The following NRXN2 variants were observed in gnomAD, a reference collection of about 807,000 sequenced individuals.
NRXN2 encodes neurexin-2-beta.
Under a neutral mutation model 128.8 loss-of-function variants are expected in NRXN2, and 29 were observed. The ratio of observed to expected loss-of-function variants is 0.23; its 90% CI spans 0.17 to 0.31. NRXN2 has a LOEUF of 0.31. Ranked by LOEUF, NRXN2 falls within the 10% of genes least tolerant of loss-of-function variation. The probability of loss-of-function intolerance (pLI) is 1.00; values close to 1 mark genes in which losing one functional copy is unlikely to be tolerated. For synonymous variants in NRXN2, 1,098 were observed against 1,075.2 expected (o/e 1.02, Z -0.41); for missense variants, 1,881 against 2,452.6 (o/e 0.77, Z 4.92).
intron 7 of NRXN2, among the ~76,000 whole-genome samples, chr11:64,671,630 A>G (rs544954475): frequency 6.6e-6 from 1 of 152,190 alleles, no homozygotes; most frequent in East Asian, 1.9e-4. Flanking sequence ...TAGACCCAGC[A>G]GGACAGGCCA....
intron 19 of NRXN2, among the ~76,000 whole-genome samples, chr11:64,628,617 C>A (rs1246733359): frequency 6.6e-6 from 1 of 152,232 alleles, no homozygotes; most frequent in African/African-American, 2.4e-5. Flanking sequence ...AGATCCAAGT[C>A]CTGGCTTGAC....
chr11:64,722,788 G>A (rs2057467824), intron 1 of NRXN2, among the ~76,000 whole-genome samples, 183 bp downstream of exon 1: 1 of 87,856 alleles, frequency 1.1e-5, no homozygotes, highest in Non-Finnish European at 2.2e-5. Flanking sequence ...AGGAGCCTCC[G>A]ACCCCCAAGC....
intron 22 of NRXN2, among the ~76,000 whole-genome samples, chr11:64,614,236 G>A (rs1017786741): frequency 2.0e-5 from 3 of 152,196 alleles, no homozygotes; most frequent in African/African-American, 4.8e-5. Context: ...CAGATTTAGG[G>A]GTTGCCCCCC....
chr11:64,660,597 G>A lies in NRXN2; in HGVS notation c.2186-62C>T. ...CAGGCAGAGGCCAGGGGAGGGAGAA[G>A]ACCAGAGAATCATTACAAGGGCGAA... On this transcript the variant is annotated intron_variant, in intron 10 of 22. Coordinates refer to ENST00000265459, the MANE Select transcript of NRXN2 (RefSeq NM_015080.4). The surrounding 1 kb of genome is among the most constrained non-coding windows in gnomAD (Gnocchi z 5.2). The A allele has an allele frequency of 6.3e-7, 1 of 1,596,986 alleles. No homozygotes were observed.
intron 9 of NRXN2, among the ~76,000 whole-genome samples, chr11:64,664,494 A>G (rs937004189): frequency 2.2e-4 from 34 of 151,894 alleles, no homozygotes; most frequent in Non-Finnish European, 4.3e-4. Flanking sequence ...AAAAAAAAAA[A>G]AGGTTACTAT....
intron 6 of NRXN2, among the ~76,000 whole-genome samples, chr11:64,682,869 G>A (rs541041994): frequency 5.3e-5 from 8 of 152,258 alleles, no homozygotes; most frequent in African/African-American, 1.9e-4. Context: ...GGAGAGAGAG[G>A]AGAGAAGGAG....
rs2052933463 is a variant in NRXN2 at position 64,685,662 on chromosome 11, G to A, written c.1136C>T (p.Thr379Ile). Residue 379 changes from threonine to isoleucine, a missense_variant, in exon 6 of 23, where the codon ACC becomes ATC. Thr to Ile is a moderately conservative substitution (Grantham distance 89). Around this residue, in one of 7 missense-constraint regions of NRXN2, gnomAD observed 997 missense variants for 1,240.8 expected, o/e 0.80. Coordinates refer to ENST00000265459, the MANE Select transcript of NRXN2 (RefSeq NM_015080.4). ...NDNAWHDVRV[T>I]RNLRQHAGIG... ...TCCTCCTACCTGGCGCAGGTTTCGG[G>A]TGACCCGGACGTCGTGCCAGGCGTT... 5.0e-6 allele frequency: 8 copies of A among 1,614,088 alleles called. No homozygotes were observed. Among genetic ancestry groups the A allele is most frequent in the Non-Finnish European group, 6.8e-6 (8 of 1,180,064 alleles).
intron 17 of NRXN2, among the ~76,000 whole-genome samples, chr11:64,640,333 C>T (rs1047183587): frequency 6.6e-6 from 1 of 152,218 alleles, no homozygotes; most frequent in Admixed American, 6.5e-5. Context: ...CAGGGTCCCT[C>T]AGCCAGTTCC....
chr11:64,708,356 A>T (rs1300353843), intron 2 of NRXN2, among the ~76,000 whole-genome samples: 2 of 152,118 alleles, frequency 1.3e-5, no homozygotes, highest in Non-Finnish European at 2.9e-5. Flanking sequence ...TCATCACTCC[A>T]CCTGAGGTCT....
At chr11:64,664,478 CAAAAAAA>C (rs11378464) in intron 9 of NRXN2, among the ~76,000 whole-genome samples, 4 of 98,680 alleles carry the variant, frequency 4.1e-5, no homozygotes, top group Non-Finnish European at 7.1e-5. Flanking sequence ...AACTCCGTGT[CAAAAAAA>C]AAAAAAAAAA....
chr11:64,648,583 T>A lies in NRXN2; in HGVS notation c.3283+151A>T. The A allele has an allele frequency of 8.6e-7, 1 of 1,156,458 alleles. No individual in the cohort carries two copies. The highest frequency in any genetic ancestry group is 1.3e-6 in the Non-Finnish European group (1 of 787,212). The allele number at this position is 1,156,458 out of a possible 1,614,324, so 71.6% of individuals were successfully genotyped here. ...GCAAGTGACCCTTCACACACCTGTA[T>A]CCCTGCCCCAGAACTGTGGGGGCAA... is the stretch of plus-strand genomic sequence containing the variant. On this transcript the variant is annotated intron_variant, in intron 16 of 22. Transcript: ENST00000265459. The surrounding 1 kb of genome is among the most constrained non-coding windows in gnomAD (Gnocchi z 4.1).
In NRXN2 at chr11:64,607,440, G is replaced by T; in HGVS notation, c.4895C>A (p.Ser1632Tyr). Residue 1632 changes from serine (S) to tyrosine (Y), a missense_variant, in exon 23 of 23, where the codon TCC (serine) becomes TAC (tyrosine). Transcript: ENST00000265459. The part of the protein sequence containing the change: ...PPGAVEVIRE[S>Y]SSTTGMVVGI... ...CACCACCATGCCCGTGGTGCTGCTG[G>T]ACTCCCGGATCACCTCCACTGCGCC... The T allele has an allele frequency of 6.2e-7, 1 of 1,612,368 alleles. No individual in the cohort carries two copies. The highest frequency in any genetic ancestry group is 8.5e-7 in the Non-Finnish European group (1 of 1,179,794).
intron 19 of NRXN2, among the ~76,000 whole-genome samples, chr11:64,629,341 T>C (rs1398850368): frequency 6.6e-6 from 1 of 152,082 alleles, no homozygotes; most frequent in South Asian, 2.1e-4. Context: ...CCTCTTTATC[T>C]CCCATGCTGG....
rs1303647948 is a variant in NRXN2, at chr11:64,650,428, T to C, written c.3109+20A>G. 4.3e-6 allele frequency: 7 copies of C among 1,613,514 alleles called. No homozygotes were observed. The highest frequency in any genetic ancestry group is 5.9e-6 in the Non-Finnish European group (7 of 1,179,690). ...GTATCTGGGCTAGGGCCAGGCCTTC[T>C]CCAGAGGCCCCAGCCCCACCTTTGA... On this transcript the variant is annotated intron_variant, in intron 15 of 22. Transcript: ENST00000265459.
At chr11:64,677,062 G>C (rs2051430683) in intron 6 of NRXN2, 25 bp from the exon 7 acceptor site, 1 of 1,433,486 alleles carries the variant, frequency 7.0e-7, no homozygotes, top group African/African-American at 1.5e-5. Context: ...TGGGGGGATG[G>C]GGAGGAGGGG....
chr11:64,628,358 C>G (rs1317532093), intron 19 of NRXN2, among the ~76,000 whole-genome samples: 3 of 152,148 alleles, frequency 2.0e-5, no homozygotes, highest in Non-Finnish European at 4.4e-5. Flanking sequence ...TCTCTGTGCT[C>G]CCAAAGAATC....
At chr11:64,709,190 C>CAAAAA (rs112450142) in intron 2 of NRXN2, among the ~76,000 whole-genome samples, 5 of 83,440 alleles carry the variant, frequency 6.0e-5, no homozygotes, top group Admixed American at 1.2e-4. Flanking sequence ...GACTCCATCT[C>CAAAAA]AAAAAAAAAA....
chr11:64,623,457 C>T lies in NRXN2; in HGVS notation c.3848-379G>A, dbSNP rs2135335210. ...CCCTCAGTCCATCCCCATCTTCTCC[C>T]TCTGCTTCCCCAAACATCCTGCCCC... On this transcript the variant is annotated intron_variant, in intron 20 of 22. Coordinates refer to ENST00000265459, the MANE Select transcript of NRXN2 (RefSeq NM_015080.4). The surrounding 1 kb of genome is among the most constrained non-coding windows in gnomAD (Gnocchi z 4.9). 1 of 286,194 alleles carries T rather than the reference C, an allele frequency of 3.5e-6. No homozygotes were observed. Among genetic ancestry groups the T allele is most frequent in the Non-Finnish European group, 6.7e-6 (1 of 148,346 alleles). 17.7% of individuals were successfully genotyped at this position (286,194 alleles called of 1,614,324 possible).
In NRXN2 at chr11:64,660,508, G is replaced by C. The variant is rs2077253868; in HGVS notation, c.2213C>G (p.Ser738Cys). The C allele has an allele frequency of 2.5e-6, 4 of 1,614,180 alleles. No homozygotes were observed. Among genetic ancestry groups the C allele is most frequent in the Non-Finnish European group, 3.4e-6 (4 of 1,180,024 alleles). The change falls in exon 11 of 23, where the codon TCC (serine) becomes TGC (cysteine). Residue 738 changes from serine to cysteine, a missense_variant. Physicochemically the swap from Ser to Cys is moderately radical, Grantham distance 112. Around this residue, in one of 7 missense-constraint regions of NRXN2, gnomAD observed 997 missense variants for 1,240.8 expected, o/e 0.80. Transcript: ENST00000265459. This position sits in a 1 kb window ranked among gnomAD's most constrained non-coding sequence, Gnocchi z 5.2. ...REATVLSYDG[S>C]MYMKIMLPNA... is the part of the protein sequence containing the mutation. ...AGGCAGCATGATCTTCATGTACATG[G>C]AGCCATCGTAGCTCAGGACCGTGGC...
Sources: gnomAD v4.1 joint callset for allele counts (sites outside exome capture counted in the v4.1 genomes callset) on GRCh38, gnomAD v4.1.1 for gene constraint, gnomAD v4.1.1 regional missense constraint, Gnocchi (gnomAD v3.1) non-coding constraint, MANE v1.5 for transcripts, NCBI Gene and HGNC (gene_info 2026-07-23, HGNC 2026-07-21) for gene names.